MEGF9: variants seen among roughly 807,000 people sequenced by gnomAD.
MEGF9 encodes the protein multiple EGF like domains 9, also known as multiple epidermal growth factor-like domains protein 9.
In MEGF9, 6 loss-of-function variants were observed where a neutral mutation model predicts 46.8. That is an observed-to-expected ratio of 0.13 (90% CI 0.07 to 0.25). The LOEUF (loss-of-function observed/expected upper bound fraction) is 0.25, where lower values mean the gene tolerates loss of function less well. Ranked by LOEUF, MEGF9 falls within the 10% of genes least tolerant of loss-of-function variation. The probability of loss-of-function intolerance (pLI) is 1.00; values close to 1 mark genes in which losing one functional copy is unlikely to be tolerated. For missense variants in MEGF9, 683 were observed against 792.4 expected, an observed-to-expected ratio of 0.86 and a Z score of 1.66; for synonymous variants, 302 against 330.7, an observed-to-expected ratio of 0.91 and a Z score of 0.94.
In MEGF9 at chr9:120,701,127, GA is replaced by G. The variant is rs201333674; in HGVS notation, c.601+12630del. On this transcript the variant is annotated intron_variant, in intron 1 of 5. Coordinates refer to ENST00000373930, the MANE Select transcript of MEGF9 (RefSeq NM_001080497.3). ...GAGTGTGACCCTGTCTCAAAAAAAAGAAAAAAAAAAAACAATTTCCAAAATT... is the reference window on the plus strand; with the variant it reads ...GAGTGTGACCCTGTCTCAAAAAAAAGAAAAAAAAAAACAATTTCCAAAATT... Among the ~76,000 whole-genome samples, 598 of 110,862 alleles carry G rather than the reference GA, an allele frequency of 5.4e-3. 2 individuals are homozygous for G. Among genetic ancestry groups the G allele is most frequent in the African/African-American group, 0.016 (505 of 30,694 alleles). 72.7% of individuals were successfully genotyped at this position (110,862 alleles called of 152,430 possible).
At chr9:120,666,455 T>A (rs2043725439) in intron 1 of MEGF9, among the ~76,000 whole-genome samples, 1 of 152,166 alleles carries the variant, frequency 6.6e-6, no homozygotes, top group African/African-American at 2.4e-5. Context: ...GCAATGAGTA[T>A]CCCTCTATTT....
chr9:120,655,555 C>T (rs1341212343), intron 2 of MEGF9, among the ~76,000 whole-genome samples: 1 of 152,184 alleles, frequency 6.6e-6, no homozygotes, highest in Admixed American at 6.5e-5. Flanking sequence ...TCTTCCACCT[C>T]TTGCATGAAT....
intron 3 of MEGF9, among the ~76,000 whole-genome samples, chr9:120,622,156 G>A (rs900028972): frequency 6.6e-6 from 1 of 152,162 alleles, no homozygotes; most frequent in Admixed American, 6.5e-5. Context: ...CTAATATCCT[G>A]TGGGAAAGCT....
chr9:120,611,864 A>G (rs202122657), intron 4 of MEGF9, among the ~76,000 whole-genome samples: 2,136 of 124,528 alleles, frequency 0.017, 70 homozygotes, highest in African/African-American at 0.069. Context: ...AGGAAGGAAG[A>G]AAGAGAGAGA....
chr9:120,638,707 C>T (rs2043589688), intron 2 of MEGF9, among the ~76,000 whole-genome samples: 1 of 152,348 alleles, frequency 6.6e-6, no homozygotes, highest in Admixed American at 6.5e-5. Flanking sequence ...CTTGAAGTAG[C>T]ATCACAACAT....
At chr9:120,618,727 G>A (rs560918019) in intron 3 of MEGF9, among the ~76,000 whole-genome samples, 4 of 151,910 alleles carry the variant, frequency 2.6e-5, no homozygotes, top group South Asian at 2.1e-4. Flanking sequence ...GTGAAACCCC[G>A]TGTCTACTAA....
intron 1 of MEGF9, among the ~76,000 whole-genome samples, chr9:120,683,701 T>A (rs551826455): frequency 7.2e-5 from 11 of 152,228 alleles, no homozygotes; most frequent in African/African-American, 2.6e-4. Context: ...GTGTGAAGCC[T>A]GGGCAACATG....
intron 1 of MEGF9, among the ~76,000 whole-genome samples, chr9:120,667,973 C>T (rs567997696): frequency 2.6e-5 from 4 of 152,176 alleles, no homozygotes; most frequent in African/African-American, 7.2e-5. Flanking sequence ...TGCAGTGAGA[C>T]GAGATCGTGC....
chr9:120,654,443 G>A (rs1477003994), intron 2 of MEGF9, among the ~76,000 whole-genome samples: 2 of 152,082 alleles, frequency 1.3e-5, no homozygotes, highest in South Asian at 4.2e-4. Context: ...GAAAAATTCC[G>A]ATCACCTAGT....
At chr9:120,664,144 T>A (rs919377884) in intron 1 of MEGF9, among the ~76,000 whole-genome samples, 4 of 152,164 alleles carry the variant, frequency 2.6e-5, no homozygotes, top group African/African-American at 9.7e-5. Context: ...CACAAACATT[T>A]GCTCTGGTAA....
intron 2 of MEGF9, among the ~76,000 whole-genome samples, chr9:120,644,146 A>G (rs1024217142): frequency 6.6e-6 from 1 of 152,178 alleles, no homozygotes; most frequent in Non-Finnish European, 1.5e-5. Context: ...CCAGAATCCA[A>G]TCTAGGATAT....
At chr9:120,614,922 TATACATAC>T (rs1310247096) in intron 3 of MEGF9, among the ~76,000 whole-genome samples, 1 of 151,944 alleles carries the variant, frequency 6.6e-6, no homozygotes, top group Non-Finnish European at 1.5e-5. Context: ...TATATACATA[TATACATAC>T]ATACATATAT....
At chr9:120,616,179 A>T (rs1312929798) in intron 3 of MEGF9, among the ~76,000 whole-genome samples, 3 of 151,982 alleles carry the variant, frequency 2.0e-5, no homozygotes, top group African/African-American at 7.2e-5. Context: ...AAAATAACAC[A>T]CTGTAAAATA....
intron 3 of MEGF9, among the ~76,000 whole-genome samples, chr9:120,616,562 C>T (rs2043473603): frequency 6.6e-6 from 1 of 151,622 alleles, no homozygotes; most frequent in African/African-American, 2.4e-5. Flanking sequence ...GCCTGTAGTC[C>T]CAGCTACTCG....
At chr9:120,688,801 T>C (rs572944959) in intron 1 of MEGF9, among the ~76,000 whole-genome samples, 2 of 152,126 alleles carry the variant, frequency 1.3e-5, no homozygotes, top group South Asian at 4.1e-4. Flanking sequence ...CTGGGCAAGG[T>C]AGAGAGGTTT....
rs772884541 is a variant in MEGF9, at chr9:120,642,614, TG to T, written c.803+16759del. On this transcript the variant is annotated intron_variant, in intron 2 of 5. Transcript: ENST00000373930. ...TCCTGGATTATGCAGCTTCTTTCGG[TG>T]AACATGTTAGTCAAGAAAGCTAATA... Among the ~76,000 whole-genome samples, 179 of 152,360 alleles carry T rather than the reference TG, an allele frequency of 1.2e-3. 1 individual carries two copies. Among genetic ancestry groups the T allele is most frequent in the Non-Finnish European group, 2.2e-3 (148 of 68,034 alleles).
chr9:120,677,566 A>G (rs1587992779), intron 1 of MEGF9, among the ~76,000 whole-genome samples: 1 of 152,236 alleles, frequency 6.6e-6, no homozygotes, highest in African/African-American at 2.4e-5. Flanking sequence ...ATTTGTTTTC[A>G]GCTGGTACAC....
chr9:120,696,655 G>A (rs551471820), intron 1 of MEGF9, among the ~76,000 whole-genome samples: 1 of 152,200 alleles, frequency 6.6e-6, no homozygotes, highest in East Asian at 1.9e-4. Flanking sequence ...AAAGCACAAG[G>A]GGAAAAGTAC....
chr9:120,690,608 A>AT (rs996244405), intron 1 of MEGF9, among the ~76,000 whole-genome samples: 1 of 152,130 alleles, frequency 6.6e-6, no homozygotes, highest in Non-Finnish European at 1.5e-5. Context: ...GTGCTACTGA[A>AT]TGGTAGTACA....
Sources: allele counts gnomAD v4.1 joint callset (sites outside exome capture counted in the v4.1 genomes callset), GRCh38; gene constraint gnomAD v4.1.1; transcripts MANE v1.5; gene names NCBI Gene and HGNC (gene_info 2026-07-23, HGNC 2026-07-21).